KCNS1: variants seen among roughly 807,000 people sequenced by gnomAD.
The protein encoded by KCNS1 is potassium voltage-gated channel modifier subfamily S member 1, also known as delayed-rectifier potassium channel regulatory subunit KCNS1.
KCNS1 carries 26 observed loss-of-function variants against 33.1 expected under a neutral mutation model. That is an observed-to-expected ratio of 0.79 (90% CI 0.58 to 1.09). KCNS1 has a LOEUF of 1.09. Ranked by LOEUF, KCNS1 falls within the 50% of genes least tolerant of loss-of-function variation. KCNS1 has a pLI of 0.00. For synonymous variants in KCNS1, 299 were observed against 338.8 expected (o/e 0.88, Z 1.29); for missense variants, 702 against 752.4 (o/e 0.93, Z 0.78).
rs375436325 is a variant in KCNS1, at chr20:45,095,212, C to A, written c.1239G>T (p.Trp413Cys). Residue 413 changes from tryptophan to cysteine, a missense_variant, in exon 4 of 4, where the codon TGG (tryptophan) becomes TGT (cysteine). Physicochemically the swap from Trp to Cys is radical, Grantham distance 215. Around this residue, in one of 3 missense-constraint regions of KCNS1, gnomAD observed 253 missense variants for 327.4 expected, o/e 0.77. Coordinates refer to ENST00000537075, the MANE Select transcript of KCNS1 (RefSeq NM_001322799.2). ...VGFNTIPACW[W>C]WGTVSMTTVG... The stretch of plus-strand genomic sequence containing the variant: ...CGGTGGTCATGCTCACTGTGCCCCA[C>A]CACCAGCAGGCTGGGATGGTGTTAA... 27 of 1,614,062 alleles carry A rather than the reference C, an allele frequency of 1.7e-5. No individual in the cohort carries two copies. Among genetic ancestry groups the A allele is most frequent in the Middle Eastern group, 3.3e-4 (2 of 6,084 alleles).
chr20:45,098,286 G>A lies in KCNS1; in HGVS notation c.486C>T (p.Thr162=), dbSNP rs774683642. ...CRARYLERRL[T]QPHAWDEDSD... ...TGTCCTCGTCCCAGGCGTGCGGCTG[G>A]GTCAGCCGCCTCTCCAGGTAGCGCG... Residue 162 remains threonine, a synonymous_variant, in exon 3 of 4, where the codon ACC becomes ACT. Coordinates refer to ENST00000537075, the MANE Select transcript of KCNS1 (RefSeq NM_001322799.2). The surrounding 1 kb of genome is among the most constrained non-coding windows in gnomAD (Gnocchi z 5.2). 6 of 1,582,342 alleles carry A rather than the reference G, an allele frequency of 3.8e-6. No homozygotes were observed. Among genetic ancestry groups the A allele is most frequent in the Non-Finnish European group, 5.1e-6 (6 of 1,166,948 alleles).
Position 45,098,354 on chromosome 20 carries a change from A to G in KCNS1, c.418T>C (p.Tyr140His), listed in dbSNP as rs1413502148. 6.3e-7 allele frequency: 1 copy of G among 1,575,312 alleles called. No homozygotes were observed. Among genetic ancestry groups the G allele is most frequent in the African/African-American group, 1.4e-5 (1 of 73,758 alleles). Residue 140 changes from tyrosine (Y) to histidine (H), a missense_variant, in exon 3 of 4, where the codon TAC becomes CAC. Tyr to His is a moderately conservative substitution (Grantham distance 83). Coordinates refer to ENST00000537075, the MANE Select transcript of KCNS1 (RefSeq NM_001322799.2). This position sits in a 1 kb window ranked among gnomAD's most constrained non-coding sequence, Gnocchi z 5.2. ...CVFAFGQEAD[Y>H]WGLGENALAA... ...AGCGCGTTCTCGCCTAGGCCCCAGT[A>G]GTCGGCCTCCTGGCCAAAGGCGAAG...
chr20:45,098,090 T>G lies in KCNS1; in HGVS notation c.682A>C (p.Ser228Arg). Residue 228 changes from serine to arginine, a missense_variant, in exon 3 of 4, where the codon AGC (serine) becomes CGC (arginine). Around this residue, in one of 3 missense-constraint regions of KCNS1, gnomAD observed 374 missense variants for 352.3 expected, o/e 1.06. Coordinates refer to ENST00000537075, the MANE Select transcript of KCNS1 (RefSeq NM_001322799.2). This position sits in a 1 kb window ranked among gnomAD's most constrained non-coding sequence, Gnocchi z 5.2. Reference protein sequence around the residue: ...PSKLFSCVSISVVLASIAAMC... With the variant: ...PSKLFSCVSIRVVLASIAAMC... ...GCGGCGATGGAGGCGAGCACCACGC[T>G]GATGGAGACGCAGCTGAAGAGCTTG... 2 of 1,574,388 alleles carry G rather than the reference T, an allele frequency of 1.3e-6. No homozygotes were observed. Among genetic ancestry groups the G allele is most frequent in the Non-Finnish European group, 8.6e-7 (1 of 1,161,048 alleles).
At chr20:45,099,971 A>G (rs1981340846) in intron 1 of KCNS1, among the ~76,000 whole-genome samples, 1 of 152,184 alleles carries the variant, frequency 6.6e-6, no homozygotes, top group Non-Finnish European at 1.5e-5. Context: ...TAGCTCTATC[A>G]CTTGTGTGAC....
In KCNS1 at chr20:45,095,054, C is replaced by T. The variant is rs752341457; in HGVS notation, c.1397G>A (p.Arg466His). 19 of 1,613,948 alleles carry T rather than the reference C, an allele frequency of 1.2e-5. No individual in the cohort carries two copies. Among genetic ancestry groups the T allele is most frequent in the East Asian group, 4.5e-5 (2 of 44,866 alleles). The change falls in exon 4 of 4, where the codon CGC becomes CAC. Residue 466 changes from arginine (R) to histidine (H), a missense_variant. This residue lies in a region of KCNS1 where 253 missense variants were observed against 327.4 expected (regional missense o/e 0.77). Coordinates refer to ENST00000537075, the MANE Select transcript of KCNS1 (RefSeq NM_001322799.2). ...IFNKFSHFYR[R>H]QKALEAAVRN... Reference sequence around the variant, plus strand: ...CACGGCTGCCTCCAGAGCCTTCTGGCGCCGGTAGAAGTGGGAGAACTTGTT... The same window carrying T: ...CACGGCTGCCTCCAGAGCCTTCTGGTGCCGGTAGAAGTGGGAGAACTTGTT...
In KCNS1 at chr20:45,095,187, C is replaced by T. The variant is rs547343787; in HGVS notation, c.1264G>A (p.Val422Met). The change falls in exon 4 of 4, where the codon GTG becomes ATG. Residue 422 changes from valine to methionine, a missense_variant. By Grantham distance (21) the Val-to-Met change is conservative. Coordinates refer to ENST00000537075, the MANE Select transcript of KCNS1 (RefSeq NM_001322799.2). ...ACTGGCACCACATCCCCATAGCCCA[C>T]GGTGGTCATGCTCACTGTGCCCCAC... ...WWWGTVSMTT[V>M]GYGDVVPVTV... 1.4e-5 allele frequency: 23 copies of T among 1,614,134 alleles called. No individual in the cohort carries two copies. Among genetic ancestry groups the T allele is most frequent in the East Asian group, 1.1e-4 (5 of 44,886 alleles).
chr20:45,092,742 T>C lies in KCNS1; in HGVS notation c.*2128A>G, dbSNP rs34475883. ...TAGGCCCTGTGTATGACACACACCT[T>C]CACACATGCCATTCTCTCTGCTTGG... On this transcript the variant is annotated 3_prime_UTR_variant, in exon 4 of 4. Transcript: ENST00000537075. 17,622 of 151,918 alleles carry C rather than the reference T, an allele frequency of 0.12. 1,353 individuals are homozygous for C. The highest frequency in any genetic ancestry group is 0.18 in the Middle Eastern group (53 of 294). 9.4% of individuals were successfully genotyped at this position (151,918 alleles called of 1,614,324 possible).
chr20:45,099,348 T>G (rs1981323095), intron 1 of KCNS1, 109 bp from the exon 2 acceptor site: 1 of 682,560 alleles, frequency 1.5e-6, no homozygotes, highest in African/African-American at 1.8e-5. Flanking sequence ...TGGAAAGTGA[T>G]TCGGCTACAT....
At chr20:45,096,849 C>T (rs1981200857) in intron 3 of KCNS1, among the ~76,000 whole-genome samples, 1 of 152,230 alleles carries the variant, frequency 6.6e-6, no homozygotes, top group Non-Finnish European at 1.5e-5. Flanking sequence ...CTGCCCCGCT[C>T]GACTCTTCAA....
chr20:45,098,043 G>A lies in KCNS1; in HGVS notation c.729C>T (p.Pro243=), dbSNP rs1233794212. The A allele has an allele frequency of 6.5e-7, 1 of 1,531,956 alleles. No homozygotes were observed. Among genetic ancestry groups the A allele is most frequent in the Admixed American group, 2.1e-5 (1 of 47,316 alleles). The allele number at this position is 1,531,956 out of a possible 1,614,324, so 94.9% of individuals were successfully genotyped here. ...SIAAMCIHSL[P]EYQAREAAAA... ...CCGCCGCCTCGCGGGCCTGGTACTC[G>A]GGCAGGCTGTGGATGCACATGGCGG... Residue 243 remains proline, a synonymous_variant, in exon 3 of 4, where the codon CCC becomes CCT. Coordinates refer to ENST00000537075, the MANE Select transcript of KCNS1 (RefSeq NM_001322799.2). This position sits in a 1 kb window ranked among gnomAD's most constrained non-coding sequence, Gnocchi z 5.2.
At chr20:45,096,836 G>A (rs1049183003) in intron 3 of KCNS1, among the ~76,000 whole-genome samples, 1 of 152,204 alleles carries the variant, frequency 6.6e-6, no homozygotes, top group Non-Finnish European at 1.5e-5. Context: ...ACCCTTCGGT[G>A]CCCTGCCCCG....
At chr20:45,099,690 C>T (rs1335649913) in intron 1 of KCNS1, among the ~76,000 whole-genome samples, 1 of 152,142 alleles carries the variant, frequency 6.6e-6, no homozygotes, top group Non-Finnish European at 1.5e-5. Flanking sequence ...TCTCAATTTC[C>T]TGCACAACGT....
Position 45,098,225 on chromosome 20 carries a change from C to A in KCNS1, c.547G>T (p.Glu183Ter), listed in dbSNP as rs1981266935. ...TPSSVDPCPDEISDVQRELAR... is the reference protein window; with the variant it reads ...TPSSVDPCPD ...AGTTCTCGCTGCACGTCGGAGATCTCGTCGGGGCACGGGTCCACGCTGCTC... is the reference window on the plus strand; with the variant it reads ...AGTTCTCGCTGCACGTCGGAGATCTAGTCGGGGCACGGGTCCACGCTGCTC... Residue 183 changes from glutamate to a stop codon, truncating the protein, a stop_gained, in exon 3 of 4, where the codon GAG becomes TAG. Coordinates refer to ENST00000537075, the MANE Select transcript of KCNS1 (RefSeq NM_001322799.2). LOFTEE classifies it high-confidence loss of function. This position sits in a 1 kb window ranked among gnomAD's most constrained non-coding sequence, Gnocchi z 5.2. The A allele has an allele frequency of 1.9e-6, 3 of 1,603,908 alleles. No individual in the cohort carries two copies. The highest frequency in any genetic ancestry group is 2.6e-6 in the Non-Finnish European group (3 of 1,176,266).
Position 45,094,762 on chromosome 20 carries a change from T to C in KCNS1, c.*108A>G. On this transcript the variant is annotated 3_prime_UTR_variant, in exon 4 of 4. Coordinates refer to ENST00000537075, the MANE Select transcript of KCNS1 (RefSeq NM_001322799.2). ...AAGGAATGCAGCTTTTGAATCTCAT[T>C]TCTCAGGACAGCATGAGTGATCCTG... 1.1e-6 allele frequency: 1 copy of C among 904,534 alleles called. No individual in the cohort carries two copies. Among genetic ancestry groups the C allele is most frequent in the Non-Finnish European group, 1.7e-6 (1 of 578,228 alleles). 56.0% of individuals were successfully genotyped at this position (904,534 alleles called of 1,614,324 possible).
Position 45,097,772 on chromosome 20 carries a change from A to C in KCNS1, c.1000T>G (p.Phe334Val), listed in dbSNP as rs528585368. The C allele has an allele frequency of 6.2e-7, 1 of 1,613,230 alleles. No homozygotes were observed. The highest frequency in any genetic ancestry group is 1.7e-5 in the Admixed American group (1 of 60,010). The change falls in exon 3 of 4, where the codon TTC becomes GTC. Residue 334 changes from phenylalanine to valine, a missense_variant. Physicochemically the swap from Phe to Val is conservative, Grantham distance 50 (BLOSUM62 -1). Around this residue, in one of 3 missense-constraint regions of KCNS1, gnomAD observed 253 missense variants for 327.4 expected, o/e 0.77. Coordinates refer to ENST00000537075, the MANE Select transcript of KCNS1 (RefSeq NM_001322799.2). ...VALGDQGGKE[F>V]GHLGKVVQVF... The stretch of plus-strand genomic sequence containing the variant: ...TGCACCACCTTGCCCAGGTGGCCGA[A>C]CTCCTTGCCGCCCTGGTCGCCCAGT...
At chr20:45,097,255 T>C (rs1467473655) in intron 3 of KCNS1, among the ~76,000 whole-genome samples, 2 of 152,234 alleles carry the variant, frequency 1.3e-5, no homozygotes, top group African/African-American at 2.4e-5. Flanking sequence ...GAGTGACCTA[T>C]GGTTATCAGA....
At position 45,098,515 on chromosome 20, in the gene KCNS1, T is replaced by G. The variant is rs1247368623; in HGVS notation, c.257A>C (p.Glu86Ala). The G allele has an allele frequency of 6.6e-7, 1 of 1,514,490 alleles. No individual in the cohort carries two copies. The highest frequency in any genetic ancestry group is 8.8e-7 in the Non-Finnish European group (1 of 1,130,174). The allele number at this position is 1,514,490 out of a possible 1,614,324, so 93.8% of individuals were successfully genotyped here. ...GTCGTCGCACAGGCGCCGCGCCTGC[T>G]CCTCCGACGCCGCGGCCTGCAGGCG... ...LGRLQAAASE[E>A]QARRLCDDYD... The change falls in exon 3 of 4, where the codon GAG (glutamate) becomes GCG (alanine). Residue 86 changes from glutamate (E) to alanine (A), a missense_variant. Coordinates refer to ENST00000537075, the MANE Select transcript of KCNS1 (RefSeq NM_001322799.2). This position sits in a 1 kb window ranked among gnomAD's most constrained non-coding sequence, Gnocchi z 5.2.
chr20:45,094,135 A>T lies in KCNS1; in HGVS notation c.*735T>A, dbSNP rs994693027. On this transcript the variant is annotated 3_prime_UTR_variant, in exon 4 of 4. Transcript: ENST00000537075. ...TATTGCTTAGCAAATCTTGCATACC[A>T]GCTAAAGAGGCAAGTACAATGCTAT... 9 of 152,340 alleles carry T rather than the reference A, an allele frequency of 5.9e-5. No individual in the cohort carries two copies. In the East Asian group the frequency reaches 1.7e-3, roughly 29 times the overall value. 9.4% of individuals were successfully genotyped at this position (152,340 alleles called of 1,614,324 possible).
In KCNS1 at chr20:45,095,114, A is replaced by G; in HGVS notation, c.1337T>C (p.Ile446Thr). ...LAASGCILGG[I>T]LVVALPITII... ...GGTGATGGGGAGTGCTACCACCAGG[A>G]TGCCCCCTAGGATGCAGCCTGAGGC... Residue 446 changes from isoleucine to threonine, a missense_variant, in exon 4 of 4, where the codon ATC (isoleucine) becomes ACC (threonine). Around this residue, in one of 3 missense-constraint regions of KCNS1, gnomAD observed 253 missense variants for 327.4 expected, o/e 0.77. Transcript: ENST00000537075. The G allele has an allele frequency of 6.2e-7, 1 of 1,613,888 alleles. No homozygotes were observed. Among genetic ancestry groups the G allele is most frequent in the Non-Finnish European group, 8.5e-7 (1 of 1,179,916 alleles).
Sources: allele counts gnomAD v4.1 joint callset (sites outside exome capture counted in the v4.1 genomes callset), GRCh38; gene constraint gnomAD v4.1.1; regional missense constraint gnomAD v4.1.1; non-coding constraint Gnocchi (gnomAD v3.1); transcripts MANE v1.5; gene names NCBI Gene and HGNC (gene_info 2026-07-23, HGNC 2026-07-21).